The following DAB2IP variants were observed in gnomAD, a reference collection of about 807,000 sequenced individuals.
The protein encoded by DAB2IP is DAB2 interacting protein, also known as disabled homolog 2-interacting protein.
Under a neutral mutation model 107.2 loss-of-function variants are expected in DAB2IP, and 28 were observed. The observed-to-expected ratio is 0.26, with a 90% CI of 0.19 to 0.36. The LOEUF (loss-of-function observed/expected upper bound fraction) is 0.36, where lower values mean the gene tolerates loss of function less well. DAB2IP is among the 10% of genes least tolerant of loss of function. The probability of loss-of-function intolerance (pLI) is 1.00; values close to 1 mark genes in which losing one functional copy is unlikely to be tolerated. For synonymous variants in DAB2IP, 755 were observed against 706.4 expected, an observed-to-expected ratio of 1.07 and a Z score of -1.09; for missense variants, 1,400 against 1,644.7, an observed-to-expected ratio of 0.85 and a Z score of 2.57.
chr9:121,582,644 C>T (rs1830225335), intron 1 of DAB2IP, among the ~76,000 whole-genome samples: 1 of 152,092 alleles, frequency 6.6e-6, no homozygotes, highest in South Asian at 2.1e-4. Flanking sequence ...TCCTGATAGC[C>T]CCCCAATGAC....
chr9:121,706,270 C>T lies in DAB2IP; in HGVS notation c.362+6812C>T, dbSNP rs531529529. Among the ~76,000 whole-genome samples the T allele has an allele frequency of 3.3e-5, 5 of 152,234 alleles. 1 individual carries two copies. The highest frequency in any genetic ancestry group is 5.9e-5 in the Non-Finnish European group (4 of 67,994). On this transcript the variant is annotated intron_variant, in intron 3 of 15. Coordinates refer to ENST00000408936, the Ensembl canonical transcript of DAB2IP. ...GGGGCTGCACCAACCTCAGAGCAGC[C>T]GGGTGACATGCCCAAGGCTTGGGCT...
At chr9:121,569,018 G>A (rs1829869961) in intron 1 of DAB2IP, among the ~76,000 whole-genome samples, 1 of 152,234 alleles carries the variant, frequency 6.6e-6, no homozygotes, top group South Asian at 2.1e-4. Flanking sequence ...AGGGACAGAG[G>A]GGGCCTTAGG....
intron 1 of DAB2IP, among the ~76,000 whole-genome samples, chr9:121,669,443 G>C (rs1833585645): frequency 6.6e-6 from 1 of 152,144 alleles, no homozygotes; most frequent in Non-Finnish European, 1.5e-5. Context: ...CAGTGAGGGA[G>C]AGCACGCACC....
chr9:121,693,181 T>C (rs376092939), intron 2 of DAB2IP, among the ~76,000 whole-genome samples: 39 of 152,332 alleles, frequency 2.6e-4, no homozygotes, highest in African/African-American at 7.0e-4. Flanking sequence ...CAGGTTCTAA[T>C]GGCTCCGCCT....
intron 1 of DAB2IP, among the ~76,000 whole-genome samples, chr9:121,597,290 A>G (rs146217459): frequency 6.6e-6 from 1 of 152,258 alleles, no homozygotes; most frequent in Non-Finnish European, 1.5e-5. Flanking sequence ...TCTTTTATGC[A>G]TGGTGTGAGG....
intron 1 of DAB2IP, among the ~76,000 whole-genome samples, chr9:121,642,026 T>C (rs1408742823): frequency 2.7e-5 from 1 of 37,456 alleles, no homozygotes; most frequent in African/African-American, 1.1e-4. Flanking sequence ...TCTCTCTCTC[T>C]CTCTCTTTCT....
At chr9:121,756,847 T>C (rs1336970308) in intron 3 of DAB2IP, among the ~76,000 whole-genome samples, 166 bp from the exon 4 acceptor site, 3 of 152,064 alleles carry the variant, frequency 2.0e-5, no homozygotes, top group Non-Finnish European at 4.4e-5. Context: ...CCCACCAGTC[T>C]CTGTGACAGC....
chr9:121,632,750 A>G (rs1831941666), intron 1 of DAB2IP, among the ~76,000 whole-genome samples: 1 of 152,204 alleles, frequency 6.6e-6, no homozygotes, highest in African/African-American at 2.4e-5. Flanking sequence ...TGGGAGCTCC[A>G]CTTGGGTTTC....
At chr9:121,605,197 T>G (rs1421325485) in intron 1 of DAB2IP, among the ~76,000 whole-genome samples, 1 of 151,972 alleles carries the variant, frequency 6.6e-6, no homozygotes, top group African/African-American at 2.4e-5. Flanking sequence ...TTTTTGTATT[T>G]TTTTGTAGAG....
rs773957447 is a variant in DAB2IP, at chr9:121,772,985, G to T, written c.2457G>T (p.Arg819=). 1.2e-6 allele frequency: 2 copies of T among 1,606,994 alleles called. No individual in the cohort carries two copies. The highest frequency in any genetic ancestry group is 3.3e-5 in the Admixed American group (2 of 59,818). ...GCACCTCCGAGGGCGCGCCAGGCCG[G>T]CCCCAGCTGTTGGCACCGCTCTCCT... is the stretch of plus-strand genomic sequence containing the variant. Residue 819 remains arginine (R), a synonymous_variant, in exon 12 of 16, where the codon CGG becomes CGT. Coordinates refer to ENST00000408936, the Ensembl canonical transcript of DAB2IP. The surrounding 1 kb of genome is among the most constrained non-coding windows in gnomAD (Gnocchi z 4.7).
chr9:121,752,103 A>G (rs1012115841), intron 3 of DAB2IP: 17 of 883,452 alleles, frequency 1.9e-5, no homozygotes, highest in Non-Finnish European at 2.3e-5. Context: ...TGAGCCTCCT[A>G]ACCTTGAGAG....
At chr9:121,665,866 A>G (rs1343181756) in intron 1 of DAB2IP, among the ~76,000 whole-genome samples, 2 of 152,240 alleles carry the variant, frequency 1.3e-5, no homozygotes, top group Admixed American at 1.3e-4. Context: ...GAATCAGACG[A>G]TGATCTGAAC....
At chr9:121,671,862 T>G (rs1388001526) in intron 1 of DAB2IP, among the ~76,000 whole-genome samples, 3 of 152,226 alleles carry the variant, frequency 2.0e-5, no homozygotes, top group Non-Finnish European at 4.4e-5. Flanking sequence ...AACTTTTTGC[T>G]GCTACAAAGA....
chr9:121,776,351 C>G lies in DAB2IP; in HGVS notation c.3274C>G (p.Gln1092Glu). 6.4e-7 allele frequency: 1 copy of G among 1,552,150 alleles called. No individual in the cohort carries two copies. The highest frequency in any genetic ancestry group is 8.7e-7 in the Non-Finnish European group (1 of 1,147,734). ...GGGCGAGGAGCGGCTGCGGCGGCAG[C>G]AGGAGGACAAGGACATCCAGATGAA... The change falls in exon 14 of 16, where the codon CAG (glutamine) becomes GAG (glutamate). Residue 1092 changes from glutamine (Q) to glutamate (E), a missense_variant. Gln to Glu is a conservative substitution (Grantham distance 29, BLOSUM62 2). Transcript: ENST00000408936. This position sits in a 1 kb window ranked among gnomAD's most constrained non-coding sequence, Gnocchi z 5.4.
intron 4 of DAB2IP, among the ~76,000 whole-genome samples, chr9:121,758,540 C>G (rs1833654525): frequency 6.6e-6 from 1 of 152,128 alleles, no homozygotes; most frequent in Non-Finnish European, 1.5e-5. Context: ...AAGCATTGCC[C>G]TCTGACCTGG....
rs964093155 is a variant in DAB2IP at position 121,736,386 on chromosome 9, C to T, written c.363-20627C>T. On this transcript the variant is annotated intron_variant, in intron 3 of 15. Coordinates refer to ENST00000408936, the Ensembl canonical transcript of DAB2IP. The surrounding 1 kb of genome is among the most constrained non-coding windows in gnomAD (Gnocchi z 4.6). Reference sequence around the variant, plus strand: ...GGGGAAGGAGTTGCAAGGCAGAGACCCCCGAACCCCTGCTCCAGGGCCTGC... The same window carrying T: ...GGGGAAGGAGTTGCAAGGCAGAGACTCCCGAACCCCTGCTCCAGGGCCTGC... 8.6e-5 allele frequency among the ~76,000 whole-genome samples: 13 copies of T among 151,732 alleles called. No homozygotes were observed. The highest frequency in any genetic ancestry group is 3.2e-3 in the Middle Eastern group (1 of 316).
chr9:121,679,442 A>ACACACACACACC (rs1828463353), intron 2 of DAB2IP, among the ~76,000 whole-genome samples: 1 of 151,608 alleles, frequency 6.6e-6, no homozygotes. Context: ...ACACACACAC[A>ACACACACACACC]CACACACACA....
chr9:121,646,353 C>A (rs563483964), intron 1 of DAB2IP, among the ~76,000 whole-genome samples: 1 of 152,274 alleles, frequency 6.6e-6, no homozygotes, highest in East Asian at 1.9e-4. Flanking sequence ...CAGCCTCCCC[C>A]ATCTTCCTAG....
chr9:121,708,246 A>G (rs1830155434), intron 3 of DAB2IP, among the ~76,000 whole-genome samples: 2 of 152,064 alleles, frequency 1.3e-5, no homozygotes, highest in African/African-American at 4.8e-5. Context: ...AGAAACTGAA[A>G]CCCGATGTGT....
Sources: allele counts gnomAD v4.1 joint callset (sites outside exome capture counted in the v4.1 genomes callset), GRCh38; gene constraint gnomAD v4.1.1; non-coding constraint Gnocchi (gnomAD v3.1); transcripts MANE v1.5; gene names NCBI Gene and HGNC (gene_info 2026-07-23, HGNC 2026-07-21).